The following GLUD1 variants were observed in gnomAD, a reference collection of about 807,000 sequenced individuals.
GLUD1 encodes glutamate dehydrogenase 1.
Under a neutral mutation model 56.0 loss-of-function variants are expected in GLUD1, and 22 were observed. The ratio of observed to expected loss-of-function variants is 0.39; its 90% CI spans 0.28 to 0.56. The LOEUF is 0.56. Ranked by LOEUF, GLUD1 falls within the 20% of genes least tolerant of loss-of-function variation. GLUD1 has a pLI of 0.58. For missense variants in GLUD1, 451 were observed against 732.0 expected (o/e 0.62, Z 4.43); for synonymous variants, 223 against 269.9 (o/e 0.83, Z 1.70).
In GLUD1 at chr10:87,074,433, G is replaced by A. The variant is rs550074916; in HGVS notation, c.646+118C>T. On this transcript the variant is annotated intron_variant, in intron 4 of 12. Coordinates refer to ENST00000277865, the MANE Select transcript of GLUD1 (RefSeq NM_005271.5). ...AGAGAATTGCTTGAACCCAGGAGGC[G>A]GACGAGATCGCACCACTGCACTCTA... is the stretch of plus-strand genomic sequence containing the variant. 1.0e-4 allele frequency: 73 copies of A among 711,328 alleles called. 1 individual carries two copies. In the East Asian group the frequency reaches 1.3e-3, roughly 12 times the overall value. The allele number at this position is 711,328 out of a possible 1,614,324, so 44.1% of individuals were successfully genotyped here. A position where few individuals can be genotyped will look rare whatever the true frequency, so the allele number is the denominator to read the frequency against.
At chr10:87,053,465 T>A in intron 11 of GLUD1, 61 bp from the exon 12 acceptor site, 1 of 1,068,550 alleles carries the variant, frequency 9.4e-7, no homozygotes. Context: ...TGTCCCTGTA[T>A]AAGATGACAA....
chr10:87,057,821 G>GAA (rs35186250), intron 10 of GLUD1, 39 bp from the exon 11 acceptor site: 1,317 of 718,064 alleles, frequency 1.8e-3, no homozygotes, highest in Middle Eastern at 3.7e-3. Context: ...ATTGCTAACA[G>GAA]AAAAAAAAAA....
rs768138483 is a variant in GLUD1 at position 87,051,473 on chromosome 10, G to T, written c.*278C>A. ...GTGTTGGGAAAAGCCACAGAGCAAGGCTGCACAGCCAGATAAAGGAGGCTT... is the reference window on the plus strand; with the variant it reads ...GTGTTGGGAAAAGCCACAGAGCAAGTCTGCACAGCCAGATAAAGGAGGCTT... On this transcript the variant is annotated 3_prime_UTR_variant, in exon 13 of 13. Transcript: ENST00000277865. 3 of 472,454 alleles carry T rather than the reference G, an allele frequency of 6.3e-6. No homozygotes were observed. Among genetic ancestry groups the T allele is most frequent in the Admixed American group, 6.7e-5 (2 of 29,928 alleles). 29.3% of individuals were successfully genotyped at this position (472,454 alleles called of 1,614,324 possible). A position where few individuals can be genotyped will look rare whatever the true frequency, so the allele number is the denominator to read the frequency against.
chr10:87,093,852 G>T, intron 1 of GLUD1: 1 of 1,114,474 alleles, frequency 9.0e-7, no homozygotes, highest in Non-Finnish European at 1.2e-6. Flanking sequence ...TTCTATGTTC[G>T]GATATCATCT....
Position 87,094,722 on chromosome 10 carries a change from G to A in GLUD1, c.48C>T (p.Pro16=). ...CGGCGGACGCCGAGCCCAGGGCAGC[G>A]GGCCCGGCCCGGGACAGCAACAGCG... is the stretch of plus-strand genomic sequence containing the variant. ...GEALLLSRAG[P]AALGSASADS... Residue 16 remains proline (P), a synonymous_variant, in exon 1 of 13, where the codon CCC becomes CCT. Transcript: ENST00000277865. This position sits in a 1 kb window ranked among gnomAD's most constrained non-coding sequence, Gnocchi z 6.6. 1 of 1,513,320 alleles carries A rather than the reference G, an allele frequency of 6.6e-7. No homozygotes were observed. The highest frequency in any genetic ancestry group is 8.8e-7 in the Non-Finnish European group (1 of 1,130,272). 93.7% of individuals were successfully genotyped at this position (1,513,320 alleles called of 1,614,324 possible).
In GLUD1 at chr10:87,068,161, C is replaced by A. The variant is rs368904503; in HGVS notation, c.647-4G>T. ...GCAGGCACATCAATGCCAGGACCTG[C>A]GGGGGCACAGGGAAAGAGGAGTGCA... On this transcript the variant is annotated splice_polypyrimidine_tract_variant and splice_region_variant and intron_variant, in intron 4 of 12. Coordinates refer to ENST00000277865, the MANE Select transcript of GLUD1 (RefSeq NM_005271.5). The A allele has an allele frequency of 6.3e-7, 1 of 1,593,870 alleles. No individual in the cohort carries two copies. The highest frequency in any genetic ancestry group is 1.1e-5 in the South Asian group (1 of 90,654).
chr10:87,090,389 TG>T (rs1355085907), intron 1 of GLUD1, among the ~76,000 whole-genome samples: 1 of 152,210 alleles, frequency 6.6e-6, no homozygotes, highest in Non-Finnish European at 1.5e-5. Flanking sequence ...AAGTATACTT[TG>T]GATAATGAGT....
chr10:87,053,786 G>A (rs915400709), intron 11 of GLUD1, among the ~76,000 whole-genome samples: 2 of 152,144 alleles, frequency 1.3e-5, no homozygotes, highest in South Asian at 4.1e-4. Context: ...GTTCGCCTCA[G>A]CTCCCCAGAG....
rs180865794 is a variant in GLUD1, at chr10:87,061,982, C to T, written c.921+674G>A. ...TATTTTTAGCGGAGACCGGGTTTCA[C>T]CATGTTGGCCAGGATGGTCTTGATC... On this transcript the variant is annotated intron_variant, in intron 6 of 12. Transcript: ENST00000277865. Among the ~76,000 whole-genome samples the T allele has an allele frequency of 7.9e-3, 1,203 of 152,288 alleles. 18 individuals carry two copies. Among genetic ancestry groups the T allele is most frequent in the African/African-American group, 0.028 (1,159 of 41,554 alleles).
In GLUD1 at chr10:87,082,995, CT is replaced by C. The variant is rs546374514; in HGVS notation, c.446-6340del. ...GTGGCTCACGCCTATAATCCCAGCA[CT>C]TTGGGAGGCCGAGCTGGGCAGATCA... On this transcript the variant is annotated intron_variant, in intron 1 of 12. Transcript: ENST00000277865. Among the ~76,000 whole-genome samples the C allele has an allele frequency of 4.4e-3, 665 of 152,302 alleles. 1 individual carries two copies. Among genetic ancestry groups the C allele is most frequent in the Non-Finnish European group, 7.1e-3 (481 of 68,018 alleles).
chr10:87,073,872 C>T (rs1028829851), intron 4 of GLUD1, among the ~76,000 whole-genome samples: 2 of 152,066 alleles, frequency 1.3e-5, no homozygotes, highest in African/African-American at 2.4e-5. Context: ...CCACCTGCCT[C>T]GGCCTCTCAA....
rs1165885530 is a variant in GLUD1, at chr10:87,094,812, C to T, written c.-43G>A. On this transcript the variant is annotated 5_prime_UTR_variant, in exon 1 of 13. Coordinates refer to ENST00000277865, the MANE Select transcript of GLUD1 (RefSeq NM_005271.5). This position sits in a 1 kb window ranked among gnomAD's most constrained non-coding sequence, Gnocchi z 6.6. Reference sequence around the variant, plus strand: ...AGGTGCGTGATGGTCGCGAAACAGGCGCGCTTTCTCAGACTCCCCGCGACT... The same window carrying T: ...AGGTGCGTGATGGTCGCGAAACAGGTGCGCTTTCTCAGACTCCCCGCGACT... 3.4e-6 allele frequency: 5 copies of T among 1,463,836 alleles called. No individual in the cohort carries two copies. Among genetic ancestry groups the T allele is most frequent in the Admixed American group, 3.7e-5 (2 of 53,456 alleles). 90.7% of individuals were successfully genotyped at this position (1,463,836 alleles called of 1,614,324 possible).
chr10:87,076,765 C>A (rs1020246090), intron 1 of GLUD1, 109 bp from the exon 2 acceptor site: 12 of 761,552 alleles, frequency 1.6e-5, no homozygotes, highest in South Asian at 1.4e-4. Flanking sequence ...TGAAAATATC[C>A]ACTTTTTACA....
At chr10:87,053,441 A>C in intron 11 of GLUD1, 37 bp from the exon 12 acceptor site, 3 of 1,292,778 alleles carry the variant, frequency 2.3e-6, no homozygotes, top group Non-Finnish European at 3.4e-6. Flanking sequence ...ACAAAACCAC[A>C]AAGACCTGCT....
Position 87,094,753 on chromosome 10 carries a change from C to G in GLUD1, c.17G>C (p.Gly6Ala), listed in dbSNP as rs1841683677. ...GGCCCGGGACAGCAACAGCGCTTCG[C>G]CCAGGTAGCGGTACATGGCCACAAG... MYRYL[G>A]EALLLSRAGP... The change falls in exon 1 of 13, where the codon GGC (glycine) becomes GCC (alanine). Residue 6 changes from glycine to alanine, a missense_variant. Gly to Ala is a moderately conservative substitution (Grantham distance 60). Coordinates refer to ENST00000277865, the MANE Select transcript of GLUD1 (RefSeq NM_005271.5). This position sits in a 1 kb window ranked among gnomAD's most constrained non-coding sequence, Gnocchi z 6.6. 1 of 1,536,948 alleles carries G rather than the reference C, an allele frequency of 6.5e-7. No individual in the cohort carries two copies. The highest frequency in any genetic ancestry group is 8.8e-7 in the Non-Finnish European group (1 of 1,140,184).
chr10:87,068,783 G>A lies in GLUD1; in HGVS notation c.647-626C>T, dbSNP rs186350927. 5.5e-3 allele frequency among the ~76,000 whole-genome samples: 843 copies of A among 152,042 alleles called. 13 individuals are homozygous for A. Among genetic ancestry groups the A allele is most frequent in the African/African-American group, 0.019 (805 of 41,444 alleles). On this transcript the variant is annotated intron_variant, in intron 4 of 12. Transcript: ENST00000277865. ...TTCCTCAGATCATAGGAAATTAAAG[G>A]TTTAGGCTAATAAATTAGCTTACAG... is the stretch of plus-strand genomic sequence containing the variant.
intron 1 of GLUD1, among the ~76,000 whole-genome samples, chr10:87,079,583 G>A (rs1564559449): frequency 6.6e-6 from 1 of 152,096 alleles, no homozygotes; most frequent in African/African-American, 2.4e-5. Context: ...GTGCCCAGGC[G>A]ACCCAGCCTG....
chr10:87,094,577 T>C lies in GLUD1; in HGVS notation c.193A>G (p.Asn65Asp), dbSNP rs763879536. ...AAGCCCTCCACCATCTTGAAGAAGT[T>C]GGGGTCGTCCTCGCGGTCGGCCACC... ...EAVADREDDP[N>D]FFKMVEGFFD... The change falls in exon 1 of 13, where the codon AAC becomes GAC. Residue 65 changes from asparagine (N) to aspartate (D), a missense_variant. By Grantham distance (23) the Asn-to-Asp change is conservative (BLOSUM62 1). Coordinates refer to ENST00000277865, the MANE Select transcript of GLUD1 (RefSeq NM_005271.5). The surrounding 1 kb of genome is among the most constrained non-coding windows in gnomAD (Gnocchi z 6.6). 1.9e-6 allele frequency: 3 copies of C among 1,611,634 alleles called. No individual in the cohort carries two copies. Among genetic ancestry groups the C allele is most frequent in the South Asian group, 1.1e-5 (1 of 90,998 alleles).
intron 5 of GLUD1, 127 bp from the exon 6 acceptor site, chr10:87,062,962 G>A (rs1845973945): frequency 1.2e-6 from 1 of 851,098 alleles, no homozygotes; most frequent in Non-Finnish European, 1.9e-6. Flanking sequence ...GTGTGTGTAT[G>A]AATGTATTTA....
Sources: allele counts gnomAD v4.1 joint callset (sites outside exome capture counted in the v4.1 genomes callset), GRCh38; gene constraint gnomAD v4.1.1; non-coding constraint Gnocchi (gnomAD v3.1); transcripts MANE v1.5; gene names NCBI Gene and HGNC (gene_info 2026-07-23, HGNC 2026-07-21).